FGD4: variants seen among roughly 807,000 people sequenced by gnomAD.
FGD4 encodes FYVE, RhoGEF and PH domain containing 4.
A neutral mutation model predicts 102.0 loss-of-function variants in FGD4; 42 were observed. The observed-to-expected ratio is 0.41, with a 90% CI of 0.32 to 0.53. The LOEUF is 0.53. Among genes scored for constraint, FGD4 ranks in the 20% least tolerant of loss-of-function variants. FGD4 has a pLI of 0.21. For missense variants in FGD4, 902 were observed against 1,078.2 expected, an observed-to-expected ratio of 0.84 and a Z score of 2.29; for synonymous variants, 380 against 375.7, an observed-to-expected ratio of 1.01 and a Z score of -0.13.
At chr12:32,531,626 T>TG (rs1254619715) in intron 1 of FGD4, among the ~76,000 whole-genome samples, 1 of 152,242 alleles carries the variant, frequency 6.6e-6, no homozygotes, top group Non-Finnish European at 1.5e-5. Flanking sequence ...TATTGCTGTG[T>TG]GGTATGCCAT....
intron 1 of FGD4, among the ~76,000 whole-genome samples, chr12:32,466,012 A>AAGCAATCCTCCCACCTCGGCCTCC (rs1943243921): frequency 6.6e-6 from 1 of 152,138 alleles, no homozygotes; most frequent in Admixed American, 6.5e-5. Flanking sequence ...TCCTGGCCTC[A>AAGCAATCCTCCCACCTCGGCCTCC]AGCAATCCTC....
At chr12:32,475,285 C>G (rs1943556154) in intron 1 of FGD4, among the ~76,000 whole-genome samples, 1 of 152,122 alleles carries the variant, frequency 6.6e-6, no homozygotes, top group Admixed American at 6.5e-5. Context: ...GATGGTGTTT[C>G]CACTGGTATA....
At chr12:32,470,597 G>C (rs1351870400) in intron 1 of FGD4, among the ~76,000 whole-genome samples, 1 of 151,608 alleles carries the variant, frequency 6.6e-6, no homozygotes, top group Non-Finnish European at 1.5e-5. Flanking sequence ...GGGAGCACAG[G>C]TGCACACCAC....
chr12:32,593,828 A>G (rs1947667036), intron 4 of FGD4, among the ~76,000 whole-genome samples: 1 of 152,262 alleles, frequency 6.6e-6, no homozygotes, highest in Admixed American at 6.5e-5. Context: ...AAAACGATAC[A>G]TCAGCACTAT....
At chr12:32,493,966 C>T (rs370727349) in intron 1 of FGD4, among the ~76,000 whole-genome samples, 1 of 152,158 alleles carries the variant, frequency 6.6e-6, no homozygotes, top group African/African-American at 2.4e-5. Flanking sequence ...AGAGGAAGAT[C>T]TGGAAGAAAA....
rs1160872602 is a variant in FGD4 at position 32,641,779 on chromosome 12, C to T, written c.*1246C>T. ...CTTTGTCGGAATGAAACAAAATCCA[C>T]ATGTGATAACCTATGTTTGGGGTGG... On this transcript the variant is annotated 3_prime_UTR_variant, in exon 17 of 17. Transcript: ENST00000534526. 1 of 152,128 alleles carries T rather than the reference C, an allele frequency of 6.6e-6. No individual in the cohort carries two copies. The highest frequency in any genetic ancestry group is 2.4e-5 in the African/African-American group (1 of 41,440). The allele number at this position is 152,128 out of a possible 1,614,324, so 9.4% of individuals were successfully genotyped here. A position where few individuals can be genotyped will look rare whatever the true frequency, so the allele number is the denominator to read the frequency against.
intron 1 of FGD4, among the ~76,000 whole-genome samples, chr12:32,547,175 G>A (rs10431226): frequency 0.41 from 62,108 of 151,948 alleles, 14,194 homozygotes; most frequent in African/African-American, 0.63. Flanking sequence ...CGGTGGCTCA[G>A]ATCTGTAATT....
chr12:32,495,840 A>G (rs7308163), intron 1 of FGD4, among the ~76,000 whole-genome samples: 46,829 of 151,958 alleles, frequency 0.31, 7,453 homozygotes, highest in Middle Eastern at 0.47. Context: ...CACATGCTTC[A>G]CCTACCGTGC....
intron 1 of FGD4, among the ~76,000 whole-genome samples, chr12:32,561,323 G>A (rs992643636): frequency 6.6e-6 from 1 of 151,998 alleles, no homozygotes. Flanking sequence ...CTGACCTCAG[G>A]TGATCCACCC....
intron 4 of FGD4, among the ~76,000 whole-genome samples, chr12:32,597,761 CAG>C (rs1006432688): frequency 4.6e-5 from 7 of 152,274 alleles, no homozygotes; most frequent in East Asian, 1.9e-4. Context: ...AATGGGCAGA[CAG>C]AGGTGAGGGG....
chr12:32,453,217 TATAATATAG>T (rs1216380672), intron 1 of FGD4, among the ~76,000 whole-genome samples: 15 of 47,114 alleles, frequency 3.2e-4, no homozygotes, highest in South Asian at 1.2e-3. Flanking sequence ...TATATATATA[TATAATATAG>T]ATATATATAT....
In FGD4 at chr12:32,598,530, A is replaced by T; in HGVS notation, c.1045A>T (p.Asn349Tyr). The T allele has an allele frequency of 1.7e-5, 28 of 1,613,640 alleles. No individual in the cohort carries two copies. Among genetic ancestry groups the T allele is most frequent in the Non-Finnish European group, 2.4e-5 (28 of 1,179,872 alleles). The change falls in exon 5 of 17, where the codon AAT becomes TAT. Residue 349 changes from asparagine (N) to tyrosine (Y), a missense_variant. Physicochemically the swap from Asn to Tyr is moderately radical, Grantham distance 143. Around this residue, in one of 2 missense-constraint regions of FGD4, gnomAD observed 443 missense variants for 459.2 expected, o/e 0.96. Coordinates refer to ENST00000534526, the MANE Select transcript of FGD4 (RefSeq NM_001370298.3). Reference protein sequence around the residue: ...TNEQKLHKIANELLLTERAYV... With the variant: ...TNEQKLHKIAYELLLTERAYV... ...TGAGCAAAAACTTCACAAAATAGCCAATGAACTTTTGCTTACTGAAAGAGC... is the reference window on the plus strand; with the variant it reads ...TGAGCAAAAACTTCACAAAATAGCCTATGAACTTTTGCTTACTGAAAGAGC...
intron 1 of FGD4, among the ~76,000 whole-genome samples, chr12:32,500,340 A>G (rs539057262): frequency 2.8e-4 from 43 of 152,230 alleles, no homozygotes; most frequent in Non-Finnish European, 5.3e-4. Flanking sequence ...GTACTTGTTA[A>G]TAGAAACATT....
chr12:32,519,775 T>TA (rs1349415671), intron 1 of FGD4, among the ~76,000 whole-genome samples: 3 of 152,096 alleles, frequency 2.0e-5, no homozygotes, highest in Non-Finnish European at 4.4e-5. Flanking sequence ...CCGTTTCTAC[T>TA]AAAAAAGAAA....
At chr12:32,538,117 C>G (rs1942465569) in intron 1 of FGD4, among the ~76,000 whole-genome samples, 2 of 152,108 alleles carry the variant, frequency 1.3e-5, no homozygotes, top group Non-Finnish European at 2.9e-5. Context: ...AGGCAGGTCT[C>G]GAACTCCTGA....
intron 4 of FGD4, among the ~76,000 whole-genome samples, chr12:32,583,780 A>G (rs1301470483): frequency 6.6e-6 from 1 of 152,280 alleles, no homozygotes; most frequent in African/African-American, 2.4e-5. Context: ...TATCTGAAAC[A>G]GTAAAGAAAC....
At chr12:32,441,834 T>G (rs1053563538) in intron 1 of FGD4, among the ~76,000 whole-genome samples, 1 of 152,090 alleles carries the variant, frequency 6.6e-6, no homozygotes, top group African/African-American at 2.4e-5. Flanking sequence ...GCGATTCCCC[T>G]CTGGCTAGGG....
chr12:32,588,176 C>T lies in FGD4; in HGVS notation c.1011+5709C>T, dbSNP rs181635075. 2.6e-5 allele frequency among the ~76,000 whole-genome samples: 4 copies of T among 152,304 alleles called. No individual in the cohort carries two copies. In the East Asian group the frequency reaches 7.7e-4, roughly 29 times the overall value. On this transcript the variant is annotated intron_variant, in intron 4 of 16. Coordinates refer to ENST00000534526, the MANE Select transcript of FGD4 (RefSeq NM_001370298.3). The stretch of plus-strand genomic sequence containing the variant: ...TTTAGAATATGGAACTAGGAGTTAA[C>T]TTGGAGACCTAGCCTTTAGTAGGCC...
intron 6 of FGD4, among the ~76,000 whole-genome samples, 159 bp from the exon 7 acceptor site, chr12:32,602,002 C>A (rs1948459632): frequency 6.6e-6 from 1 of 152,148 alleles, no homozygotes; most frequent in South Asian, 2.1e-4. Flanking sequence ...GTAGTCCCAG[C>A]TACTGAGAGT....
Sources: gnomAD v4.1 joint callset for allele counts (sites outside exome capture counted in the v4.1 genomes callset) on GRCh38, gnomAD v4.1.1 for gene constraint, gnomAD v4.1.1 regional missense constraint, MANE v1.5 for transcripts, NCBI Gene and HGNC (gene_info 2026-07-23, HGNC 2026-07-21) for gene names.